Variants in ITGAE observed in about 807,000 individuals in gnomAD.
ITGAE encodes integrin subunit alpha E.
ITGAE carries 99 observed loss-of-function variants against 136.5 expected under a neutral mutation model. The observed-to-expected ratio is 0.73, with a 90% CI of 0.62 to 0.86. The LOEUF is 0.86. Among genes scored for constraint, ITGAE ranks in the 40% least tolerant of loss-of-function variants. The pLI is 0.00. For missense variants in ITGAE, 1,447 were observed against 1,515.3 expected (o/e 0.95, Z 0.75); for synonymous variants, 613 against 591.8 (o/e 1.04, Z -0.52).
rs1567540654 is a variant in ITGAE, at chr17:3,761,023, C to CTCCTCCTCGTCT, written c.576_587dup (p.Asp193_Glu196dup). 3.7e-5 allele frequency: 60 copies of CTCCTCCTCGTCT among 1,602,500 alleles called. No individual in the cohort carries two copies. Among genetic ancestry groups the CTCCTCCTCGTCT allele is most frequent in the Non-Finnish European group, 4.9e-5 (58 of 1,179,538 alleles). ...TCTGCCTCTTCTCACCAGCTTCCTC[C>CTCCTCCTCGTCT]TCCTCCTCGTCTTCCTCCTCCTCCT... On this transcript the variant is annotated inframe_insertion, in exon 6 of 31. Coordinates refer to ENST00000263087, the MANE Select transcript of ITGAE (RefSeq NM_002208.5).
chr17:3,737,827 C>T (rs2051493573), intron 20 of ITGAE, among the ~76,000 whole-genome samples: 1 of 152,090 alleles, frequency 6.6e-6, no homozygotes, highest in Admixed American at 6.6e-5. Context: ...CGACCAGGCT[C>T]ACTAGCGTTT....
chr17:3,763,030 T>C (rs2052212492), intron 3 of ITGAE, among the ~76,000 whole-genome samples: 1 of 152,058 alleles, frequency 6.6e-6, no homozygotes, highest in Non-Finnish European at 1.5e-5. Flanking sequence ...ATAGCTGGGA[T>C]TGTAGGCATG....
chr17:3,723,769 C>A (rs748206202), intron 26 of ITGAE, 25 bp from the exon 27 acceptor site: 2 of 1,604,176 alleles, frequency 1.2e-6, no homozygotes, highest in South Asian at 1.1e-5. Context: ...ATGACCGCGA[C>A]GCGCTGAACA....
intron 24 of ITGAE, among the ~76,000 whole-genome samples, chr17:3,728,993 A>ACG (rs2051280398): frequency 6.6e-6 from 1 of 151,382 alleles, no homozygotes; most frequent in Admixed American, 6.6e-5. Flanking sequence ...CCGAGATGGC[A>ACG]CCACTGCACT....
In ITGAE at chr17:3,757,814, G is replaced by T. The variant is rs749666451; in HGVS notation, c.912C>A (p.Ser304=). 3.1e-6 allele frequency: 5 copies of T among 1,614,178 alleles called. No homozygotes were observed. The highest frequency in any genetic ancestry group is 4.2e-6 in the Non-Finnish European group (5 of 1,180,040). ...TSSHGSRRKA[S]KVMVVLTDGG... is the part of the protein sequence containing the mutation. ...CATCGGTGAGCACCACCATGACCTTGGATGCCTTTCTCCTGGAGCCGTGGC... is the reference window on the plus strand; with the variant it reads ...CATCGGTGAGCACCACCATGACCTTTGATGCCTTTCTCCTGGAGCCGTGGC... The change falls in exon 9 of 31, where the codon TCC becomes TCA. Residue 304 remains serine (S), a synonymous_variant. Coordinates refer to ENST00000263087, the MANE Select transcript of ITGAE (RefSeq NM_002208.5).
chr17:3,732,824 T>C (rs2051375430), intron 21 of ITGAE, among the ~76,000 whole-genome samples: 2 of 152,142 alleles, frequency 1.3e-5, no homozygotes, highest in Non-Finnish European at 2.9e-5. Flanking sequence ...ACCCACAGCC[T>C]GGCTGGAAGG....
intron 26 of ITGAE, chr17:3,725,701 A>T: frequency 6.3e-7 from 1 of 1,575,926 alleles, no homozygotes; most frequent in Non-Finnish European, 8.6e-7. Flanking sequence ...TCTGCAAATG[A>T]CCGGCCTGAT....
In ITGAE at chr17:3,743,525, G is replaced by A. The variant is rs547069076; in HGVS notation, c.2412C>T (p.Ile804=). Residue 804 remains isoleucine, a synonymous_variant, in exon 19 of 31, where the codon ATC becomes ATT. Coordinates refer to ENST00000263087, the MANE Select transcript of ITGAE (RefSeq NM_002208.5). Reference sequence around the variant, plus strand: ...CAAAGGGCTCAGTGTAGCGGTCCAGGATGGGCTGGGGATGGTCCGTCTGTC... The same window carrying A: ...CAAAGGGCTCAGTGTAGCGGTCCAGAATGGGCTGGGGATGGTCCGTCTGTC... ...PEGQTDHPQP[I]LDRYTEPFAI... 8 of 1,610,858 alleles carry A rather than the reference G, an allele frequency of 5.0e-6. No homozygotes were observed. The East Asian group carries it at 1.8e-4, about 36-fold the overall frequency.
intron 1 of ITGAE, among the ~76,000 whole-genome samples, chr17:3,778,546 G>GT (rs1478934126): frequency 1.3e-5 from 2 of 151,324 alleles, no homozygotes; most frequent in Non-Finnish European, 2.9e-5. Context: ...CTGAGCAACA[G>GT]AGCAAGACTC....
At chr17:3,736,886 G>C (rs955433736) in intron 20 of ITGAE, among the ~76,000 whole-genome samples, 6 of 152,180 alleles carry the variant, frequency 3.9e-5, no homozygotes, top group Admixed American at 2.6e-4. Context: ...TTTGGTTTTG[G>C]TTTGGTTTTT....
intron 1 of ITGAE, among the ~76,000 whole-genome samples, chr17:3,784,713 C>A (rs1007542327): frequency 1.3e-5 from 2 of 152,156 alleles, no homozygotes; most frequent in Non-Finnish European, 2.9e-5. Flanking sequence ...TTCAAGTACA[C>A]GTGAAACATT....
intron 1 of ITGAE, among the ~76,000 whole-genome samples, chr17:3,788,456 A>ATTTTTTTT (rs71155804): frequency 2.9e-5 from 3 of 103,260 alleles, no homozygotes; most frequent in Admixed American, 2.4e-4. Flanking sequence ...GACCTGACTA[A>ATTTTTTTT]TTTTTTTTTT....
intron 20 of ITGAE, among the ~76,000 whole-genome samples, chr17:3,739,558 C>T (rs953220347): frequency 2.0e-5 from 3 of 152,196 alleles, no homozygotes; most frequent in Non-Finnish European, 4.4e-5. Context: ...TTCAAGTCCA[C>T]CAAATGGCCT....
chr17:3,744,873 A>G (rs1256284033), intron 18 of ITGAE, among the ~76,000 whole-genome samples: 1 of 152,198 alleles, frequency 6.6e-6, no homozygotes, highest in Non-Finnish European at 1.5e-5. Context: ...CCCCTATAAG[A>G]GCCTCAAGCC....
chr17:3,772,845 T>A (rs1278921082), intron 2 of ITGAE, among the ~76,000 whole-genome samples: 4 of 152,084 alleles, frequency 2.6e-5, no homozygotes, highest in Non-Finnish European at 2.9e-5. Flanking sequence ...GAGCTCTGTC[T>A]CCCCTGCAGC....
At position 3,731,154 on chromosome 17, in the gene ITGAE, C is replaced by T; in HGVS notation, c.2784G>A (p.Glu928=). ...SAHVSVVWQL[E]ENAFPNRTAD... Reference sequence around the variant, plus strand: ...CTGTCCTGTTTGGAAAGGCATTCTCCTCTAGCTGCCAAACGACTGAAACAT... The same window carrying T: ...CTGTCCTGTTTGGAAAGGCATTCTCTTCTAGCTGCCAAACGACTGAAACAT... The change falls in exon 23 of 31, where the codon GAG becomes GAA. Residue 928 remains glutamate, a synonymous_variant. Transcript: ENST00000263087. 14 of 1,613,754 alleles carry T rather than the reference C, an allele frequency of 8.7e-6. No individual in the cohort carries two copies. Among genetic ancestry groups the T allele is most frequent in the Non-Finnish European group, 1.2e-5 (14 of 1,179,780 alleles).
chr17:3,770,859 G>A (rs12604024), intron 2 of ITGAE, among the ~76,000 whole-genome samples: 98,255 of 151,948 alleles, frequency 0.65, 32,750 homozygotes, highest in Non-Finnish European at 0.71. Flanking sequence ...TGAGAGAGGG[G>A]CTGTGAATGT....
At position 3,729,625 on chromosome 17, in the gene ITGAE, C is replaced by T. The variant is rs150694069; in HGVS notation, c.2835-70G>A. The T allele has an allele frequency of 5.5e-4, 555 of 1,005,934 alleles. 3 individuals are homozygous for T. In the African/African-American group the frequency reaches 6.9e-3, roughly 13 times the overall value. 62.3% of individuals were successfully genotyped at this position (1,005,934 alleles called of 1,614,324 possible). A position where few individuals can be genotyped will look rare whatever the true frequency, so the allele number is the denominator to read the frequency against. ...AGCAAGTGCTTCTTAAAAAGGGCTTCGCTCTGTTGCCCAGGCAGGAGTGCA... is the reference window on the plus strand; with the variant it reads ...AGCAAGTGCTTCTTAAAAAGGGCTTTGCTCTGTTGCCCAGGCAGGAGTGCA... On this transcript the variant is annotated intron_variant, in intron 23 of 30. Transcript: ENST00000263087.
intron 2 of ITGAE, among the ~76,000 whole-genome samples, chr17:3,772,127 C>G (rs890104911): frequency 1.3e-5 from 2 of 152,228 alleles, no homozygotes; most frequent in African/African-American, 2.4e-5. Flanking sequence ...TTCTCTGTGC[C>G]TGCCATCCCC....
Sources: allele counts gnomAD v4.1 joint callset (sites outside exome capture counted in the v4.1 genomes callset), GRCh38; gene constraint gnomAD v4.1.1; transcripts MANE v1.5; gene names NCBI Gene and HGNC (gene_info 2026-07-23, HGNC 2026-07-21).